The following GCH1 variants were observed in gnomAD, a reference collection of about 807,000 sequenced individuals.
GCH1 encodes the protein GTP cyclohydrolase 1, also known as GTP cyclohydrolase I.
GCH1 carries 5 observed loss-of-function variants against 25.9 expected under a neutral mutation model. That is an observed-to-expected ratio of 0.19 (90% confidence interval 0.10 to 0.41). The LOEUF is 0.41. Among genes scored for constraint, GCH1 ranks in the 10% least tolerant of loss-of-function variants. GCH1 has a pLI of 1.00. For synonymous variants in GCH1, 159 were observed against 129.6 expected, an observed-to-expected ratio of 1.23 and a Z score of -1.54; for missense variants, 261 against 336.5, an observed-to-expected ratio of 0.78 and a Z score of 1.75.
chr14:54,882,004 C>A (rs895106284), intron 1 of GCH1, among the ~76,000 whole-genome samples: 1 of 152,188 alleles, frequency 6.6e-6, no homozygotes, highest in African/African-American at 2.4e-5. Context: ...ATAAAGTTAT[C>A]TTTACTAACA....
At chr14:54,876,967 A>G (rs982132422) in intron 1 of GCH1, among the ~76,000 whole-genome samples, 3 of 152,226 alleles carry the variant, frequency 2.0e-5, no homozygotes, top group African/African-American at 7.2e-5. Flanking sequence ...TAAATCAAAG[A>G]GAAAAAAAAT....
At chr14:54,894,058 T>A (rs749208522) in intron 1 of GCH1, among the ~76,000 whole-genome samples, 1 of 152,242 alleles carries the variant, frequency 6.6e-6, no homozygotes, top group Non-Finnish European at 1.5e-5. Context: ...ATCAATGAAA[T>A]TGTAGTAAAA....
chr14:54,854,971 G>C (rs1170235128), intron 3 of GCH1, among the ~76,000 whole-genome samples: 1 of 152,082 alleles, frequency 6.6e-6, no homozygotes, highest in Non-Finnish European at 1.5e-5. Flanking sequence ...TACCCATCAA[G>C]TTCCATACTA....
chr14:54,847,181 TTGA>T lies in GCH1; in HGVS notation c.510-54_510-52del, dbSNP rs781446317. The T allele has an allele frequency of 5.5e-6, 4 of 726,510 alleles. No homozygotes were observed. In the South Asian group the frequency reaches 6.3e-5, roughly 11 times the overall value. The allele number at this position is 726,510 out of a possible 1,614,324, so 45.0% of individuals were successfully genotyped here. A position where few individuals can be genotyped will look rare whatever the true frequency, so the allele number is the denominator to read the frequency against. ...TAATCACAAATCATTTGAAGTAAAA[TTGA>T]TAAGCCTTCCTCATAAAACAAAAAG... On this transcript the variant is annotated intron_variant, in intron 3 of 5. Coordinates refer to ENST00000491895, the MANE Select transcript of GCH1 (RefSeq NM_000161.3).
intron 1 of GCH1, among the ~76,000 whole-genome samples, chr14:54,886,452 A>C (rs931159243): frequency 2.6e-5 from 4 of 152,022 alleles, no homozygotes; most frequent in Admixed American, 2.6e-4. Flanking sequence ...CTCTACTAAA[A>C]ATACAAAAAA....
chr14:54,902,436 C>A lies in GCH1; in HGVS notation c.228G>T (p.Ser76=). The part of the protein sequence containing the change: ...LNLPNLAAAY[S]SILSSLGENP... Reference sequence around the variant, plus strand: ...TCTCGCCCAGCGAGCTCAGGATGGACGAGTAGGCGGCTGCCAGGTTAGGGA... The same window carrying A: ...TCTCGCCCAGCGAGCTCAGGATGGAAGAGTAGGCGGCTGCCAGGTTAGGGA... The change falls in exon 1 of 6, where the codon TCG becomes TCT. Residue 76 remains serine (S), a synonymous_variant. Coordinates refer to ENST00000491895, the MANE Select transcript of GCH1 (RefSeq NM_000161.3). 6.2e-7 allele frequency: 1 copy of A among 1,612,934 alleles called. No individual in the cohort carries two copies. Among genetic ancestry groups the A allele is most frequent in the Non-Finnish European group, 8.5e-7 (1 of 1,179,790 alleles).
At chr14:54,861,143 A>G (rs538041709) in intron 2 of GCH1, among the ~76,000 whole-genome samples, 2 of 152,164 alleles carry the variant, frequency 1.3e-5, no homozygotes, top group South Asian at 4.1e-4. Flanking sequence ...TTGTTCACTT[A>G]CTATTTACAT....
intron 1 of GCH1, among the ~76,000 whole-genome samples, chr14:54,886,609 C>CA (rs931087291): frequency 2.6e-5 from 4 of 151,870 alleles, no homozygotes; most frequent in Non-Finnish European, 5.9e-5. Context: ...GAAACTGTCT[C>CA]AAAAAACAAA....
At chr14:54,848,077 G>T (rs1005307237) in intron 3 of GCH1, among the ~76,000 whole-genome samples, 2 of 150,926 alleles carry the variant, frequency 1.3e-5, no homozygotes, top group Non-Finnish European at 2.9e-5. Flanking sequence ...TAACCCCCAA[G>T]AAATAAAAGC....
At chr14:54,857,546 T>C (rs200184174) in intron 3 of GCH1, among the ~76,000 whole-genome samples, 2,303 of 152,308 alleles carry the variant, frequency 0.015, 30 homozygotes, top group South Asian at 0.047. Flanking sequence ...GTGCTGGAAT[T>C]TCTATATGGG....
intron 1 of GCH1, among the ~76,000 whole-genome samples, chr14:54,881,835 T>C (rs1420308154): frequency 6.6e-6 from 1 of 152,260 alleles, no homozygotes; most frequent in African/African-American, 2.4e-5. Flanking sequence ...TATTAAAATA[T>C]AGCCAAAGCT....
At chr14:54,884,799 CA>C (rs767558287) in intron 1 of GCH1, 4 of 146,048 alleles carry the variant, frequency 2.7e-5, no homozygotes, top group Admixed American at 6.8e-5. Context: ...ACAACAACAA[CA>C]AAAAAAAAGA....
chr14:54,895,731 C>T (rs999684564), intron 1 of GCH1, among the ~76,000 whole-genome samples: 6 of 152,156 alleles, frequency 3.9e-5, no homozygotes, highest in East Asian at 1.9e-4. Flanking sequence ...TAGATCAAGA[C>T]GAGCTGGTCT....
intron 1 of GCH1, among the ~76,000 whole-genome samples, chr14:54,874,065 C>T (rs1038236721): frequency 1.3e-5 from 2 of 152,174 alleles, no homozygotes; most frequent in African/African-American, 4.8e-5. Flanking sequence ...AGACCAATAT[C>T]CCTGATGAAC....
At chr14:54,894,854 T>C (rs1007239219) in intron 1 of GCH1, among the ~76,000 whole-genome samples, 1 of 152,198 alleles carries the variant, frequency 6.6e-6, no homozygotes. Flanking sequence ...AAATTATTAA[T>C]GGATCAAAAT....
chr14:54,886,462 A>G (rs1024760503), intron 1 of GCH1, among the ~76,000 whole-genome samples: 35 of 152,086 alleles, frequency 2.3e-4, no homozygotes, highest in African/African-American at 8.2e-4. Context: ...AATACAAAAA[A>G]TTAGCCGGGC....
intron 1 of GCH1, among the ~76,000 whole-genome samples, chr14:54,886,504 CG>C (rs1317768147): frequency 6.6e-6 from 1 of 151,976 alleles, no homozygotes; most frequent in Non-Finnish European, 1.5e-5. Flanking sequence ...CCCAGCTGCT[CG>C]GGGGGCTGAG....
At chr14:54,866,168 T>C (rs1469158523) in intron 1 of GCH1, among the ~76,000 whole-genome samples, 4 of 151,904 alleles carry the variant, frequency 2.6e-5, no homozygotes, top group Non-Finnish European at 4.4e-5. Flanking sequence ...TCCTCAACTA[T>C]GCTATGTGCA....
At chr14:54,875,692 G>A (rs566188827) in intron 1 of GCH1, among the ~76,000 whole-genome samples, 2 of 152,316 alleles carry the variant, frequency 1.3e-5, no homozygotes, top group East Asian at 3.9e-4. Flanking sequence ...TCAAGGATAT[G>A]AACAGACACT....
Sources: gnomAD v4.1 joint callset for allele counts (sites outside exome capture counted in the v4.1 genomes callset) on GRCh38, gnomAD v4.1.1 for gene constraint, MANE v1.5 for transcripts, NCBI Gene and HGNC (gene_info 2026-07-23, HGNC 2026-07-21) for gene names.